The following CEP128 variants were observed in gnomAD, a reference collection of about 807,000 sequenced individuals.
CEP128 encodes the protein centrosomal protein 128, also known as centrosomal protein 128kDa.
A neutral mutation model predicts 156.7 loss-of-function variants in CEP128; 132 were observed. The observed-to-expected ratio is 0.84, with a 90% CI of 0.73 to 0.97. The LOEUF (loss-of-function observed/expected upper bound fraction) is 0.97. CEP128 is among the 50% of genes least tolerant of loss of function. The pLI is 0.00. For synonymous variants in CEP128, 469 were observed against 448.9 expected (o/e 1.04, Z -0.57); for missense variants, 1,252 against 1,281.9 (o/e 0.98, Z 0.36).
intron 19 of CEP128, among the ~76,000 whole-genome samples, chr14:80,732,172 T>G (rs1483389962): frequency 1.3e-5 from 2 of 152,092 alleles, no homozygotes; most frequent in Admixed American, 1.3e-4. Context: ...AAACCTAGTA[T>G]TAAATAATAT....
intron 21 of CEP128, among the ~76,000 whole-genome samples, chr14:80,547,198 T>C (rs891082481): frequency 1.3e-5 from 2 of 152,154 alleles, no homozygotes; most frequent in African/African-American, 2.4e-5. Context: ...TAGATCAAAG[T>C]TGTTGTATGA....
rs912097234 is a variant in CEP128 at position 80,635,291 on chromosome 14, G to A, written c.2807-54868C>T. Among the ~76,000 whole-genome samples the A allele has an allele frequency of 8.5e-5, 13 of 152,260 alleles. No individual in the cohort carries two copies. In the East Asian group the frequency reaches 9.6e-4, roughly 11 times the overall value. ...AGTGAATTTCTCTTTGATTTTGAAT[G>A]AGAATAGACCCCACACACAGAATTC... On this transcript the variant is annotated intron_variant, in intron 19 of 24. Coordinates refer to ENST00000555265, the MANE Select transcript of CEP128 (RefSeq NM_152446.5).
chr14:80,512,262 G>A (rs180928086), intron 23 of CEP128, among the ~76,000 whole-genome samples: 2 of 151,854 alleles, frequency 1.3e-5, no homozygotes, highest in Admixed American at 6.6e-5. Context: ...CCAGTGTTGG[G>A]TGCATATATT....
intron 19 of CEP128, among the ~76,000 whole-genome samples, chr14:80,592,222 G>T (rs906212623): frequency 3.3e-5 from 5 of 152,144 alleles, no homozygotes; most frequent in Non-Finnish European, 7.3e-5. Context: ...CCAGGAGCTG[G>T]TTTTTTGAAA....
intron 13 of CEP128, among the ~76,000 whole-genome samples, chr14:80,795,674 A>G (rs327428): frequency 0.63 from 95,327 of 152,044 alleles, 30,276 homozygotes; most frequent in East Asian, 0.78. Flanking sequence ...AAGGGCCATT[A>G]TGACAAAAAG....
intron 19 of CEP128, among the ~76,000 whole-genome samples, chr14:80,701,703 G>T (rs189069566): frequency 6.6e-6 from 1 of 152,110 alleles, no homozygotes; most frequent in East Asian, 1.9e-4. Flanking sequence ...TACTCTATCA[G>T]TCTTCCCATC....
chr14:80,868,036 G>C (rs980110648), intron 8 of CEP128, among the ~76,000 whole-genome samples: 3 of 152,054 alleles, frequency 2.0e-5, no homozygotes, highest in Non-Finnish European at 4.4e-5. Flanking sequence ...AACCAGGAGA[G>C]AATGAGATGA....
intron 8 of CEP128, among the ~76,000 whole-genome samples, chr14:80,878,917 G>T (rs1326818249): frequency 1.3e-5 from 2 of 152,128 alleles, no homozygotes; most frequent in Non-Finnish European, 2.9e-5. Context: ...TGTGAACCAC[G>T]TCAGATCCAA....
At chr14:80,914,763 A>C (rs1326912668) in intron 3 of CEP128, among the ~76,000 whole-genome samples, 2 of 152,202 alleles carry the variant, frequency 1.3e-5, no homozygotes, top group African/African-American at 4.8e-5. Flanking sequence ...TGAAAGAGCA[A>C]ATCTAGTAGA....
At chr14:80,919,365 A>T (rs1884728500) in intron 2 of CEP128, among the ~76,000 whole-genome samples, 1 of 152,210 alleles carries the variant, frequency 6.6e-6, no homozygotes, top group African/African-American at 2.4e-5. Flanking sequence ...ACATGCATGT[A>T]TCTATCACCA....
chr14:80,687,719 T>C (rs749047131), intron 19 of CEP128, among the ~76,000 whole-genome samples: 2 of 152,090 alleles, frequency 1.3e-5, no homozygotes, highest in African/African-American at 4.8e-5. Flanking sequence ...TATGTAACCC[T>C]GAATCTAAAA....
chr14:80,948,944 G>A (rs10149425), intron 2 of CEP128, among the ~76,000 whole-genome samples: 12,240 of 152,156 alleles, frequency 0.08, 1,661 homozygotes, highest in African/African-American at 0.28. Context: ...GAAACTGTAG[G>A]CATAAGAGTT....
intron 8 of CEP128, among the ~76,000 whole-genome samples, chr14:80,884,904 AC>A (rs1309478672): frequency 2.0e-5 from 3 of 152,310 alleles, no homozygotes; most frequent in East Asian, 3.9e-4. Flanking sequence ...GCTAAGAACC[AC>A]TGGCTTGAAA....
chr14:80,705,714 C>T (rs1264404094), intron 19 of CEP128, among the ~76,000 whole-genome samples: 1 of 152,198 alleles, frequency 6.6e-6, no homozygotes, highest in South Asian at 2.1e-4. Flanking sequence ...GTGCTTGGAG[C>T]CTTGGGGCAG....
intron 2 of CEP128, among the ~76,000 whole-genome samples, chr14:80,932,717 T>C (rs1885538120): frequency 6.6e-6 from 1 of 152,176 alleles, no homozygotes; most frequent in African/African-American, 2.4e-5. Flanking sequence ...TTTCTTTATA[T>C]ATTACAGTGT....
intron 19 of CEP128, among the ~76,000 whole-genome samples, chr14:80,661,171 G>A (rs931846872): frequency 6.6e-6 from 1 of 151,994 alleles, no homozygotes; most frequent in African/African-American, 2.4e-5. Flanking sequence ...TAAGCTTTCC[G>A]AAAGGAATAG....
Position 80,792,959 on chromosome 14 carries a change from G to C in CEP128, c.1361C>G (p.Ala454Gly), listed in dbSNP as rs1566629881. 1 of 1,614,170 alleles carries C rather than the reference G, an allele frequency of 6.2e-7. No homozygotes were observed. Among genetic ancestry groups the C allele is most frequent in the South Asian group, 1.1e-5 (1 of 91,084 alleles). ...ISELTRHAED[A>G]TKQAERYLSE... ...GAGGTACCGCTCAGCCTGCTTGGTTGCATCCTCCGCATGGCGAGTCAGCTC... is the reference window on the plus strand; with the variant it reads ...GAGGTACCGCTCAGCCTGCTTGGTTCCATCCTCCGCATGGCGAGTCAGCTC... Residue 454 changes from alanine (A) to glycine (G), a missense_variant, in exon 14 of 25, where the codon GCA becomes GGA. Transcript: ENST00000555265.
At chr14:80,492,841 A>G (rs547129535), downstream of CEP128, among the ~76,000 whole-genome samples, 47 of 152,314 alleles carry the variant, frequency 3.1e-4, no homozygotes, top group African/African-American at 1.0e-3. Flanking sequence ...TTAAATCATT[A>G]TATAAAGAAG....
chr14:80,694,072 A>G (rs1896805881), intron 19 of CEP128, among the ~76,000 whole-genome samples: 1 of 152,230 alleles, frequency 6.6e-6, no homozygotes. Flanking sequence ...CAAGAAAAAA[A>G]CAAACCCATC....
Sources: gnomAD v4.1 joint callset for allele counts (sites outside exome capture counted in the v4.1 genomes callset) on GRCh38, gnomAD v4.1.1 for gene constraint, MANE v1.5 for transcripts, NCBI Gene and HGNC (gene_info 2026-07-23, HGNC 2026-07-21) for gene names.